Variants in HECW1 observed in about 807,000 individuals in gnomAD.
HECW1 encodes the protein E3 ubiquitin-protein ligase HECW1.
HECW1 carries 61 observed loss-of-function variants against 182.3 expected under a neutral mutation model. That is an observed-to-expected ratio of 0.33 (90% CI 0.27 to 0.41). The LOEUF is 0.41. Ranked by LOEUF, HECW1 falls within the 10% of genes least tolerant of loss-of-function variation. The pLI, the probability that HECW1 is intolerant of heterozygous loss-of-function variation, is 1.00. For missense variants in HECW1, 1,739 were observed against 2,108.9 expected (o/e 0.82, Z 3.44); for synonymous variants, 859 against 832.6 (o/e 1.03, Z -0.55).
chr7:43,477,331 A>G (rs2078256313), intron 16 of HECW1, among the ~76,000 whole-genome samples: 1 of 152,212 alleles, frequency 6.6e-6, no homozygotes, highest in South Asian at 2.1e-4. Context: ...AGAAATGCAT[A>G]CTAAACAATT....
chr7:43,370,137 A>G (rs1213831619), intron 6 of HECW1, among the ~76,000 whole-genome samples: 1 of 152,238 alleles, frequency 6.6e-6, no homozygotes, highest in Non-Finnish European at 1.5e-5. Flanking sequence ...ACAATGTACC[A>G]AGAACTCACG....
chr7:43,475,047 G>A (rs2078169945), intron 16 of HECW1, among the ~76,000 whole-genome samples: 2 of 152,186 alleles, frequency 1.3e-5, no homozygotes, highest in African/African-American at 4.8e-5. Flanking sequence ...AAGTGCTGGG[G>A]AAGGAGAGTG....
intron 20 of HECW1, 34 bp from the exon 21 acceptor site, chr7:43,501,179 C>CTT: frequency 1.8e-6 from 2 of 1,091,948 alleles, no homozygotes; most frequent in Non-Finnish European, 1.3e-6. Flanking sequence ...ACTTTCTTTT[C>CTT]TTTCTTTTTT....
chr7:43,393,337 G>A (rs1240218930), intron 6 of HECW1, among the ~76,000 whole-genome samples: 9 of 152,166 alleles, frequency 5.9e-5, no homozygotes, highest in Non-Finnish European at 1.5e-5. Flanking sequence ...AACTATTTGG[G>A]CTGAGTCTTC....
intron 24 of HECW1, 52 bp downstream of exon 24, chr7:43,509,173 A>T: frequency 6.3e-7 from 1 of 1,583,626 alleles, no homozygotes; most frequent in Non-Finnish European, 8.6e-7. Flanking sequence ...CCTCTTTCTT[A>T]GTCAGAATTC....
chr7:43,317,031 A>T (rs1355086259), intron 4 of HECW1, among the ~76,000 whole-genome samples: 1 of 151,812 alleles, frequency 6.6e-6, no homozygotes, highest in Non-Finnish European at 1.5e-5. Flanking sequence ...CAGTTTATTT[A>T]ATCATTCACT....
intron 18 of HECW1, 110 bp from the exon 19 acceptor site, chr7:43,492,974 C>A: frequency 1.6e-6 from 1 of 628,338 alleles, no homozygotes; most frequent in Non-Finnish European, 2.7e-6. Context: ...ATGCTGCCTG[C>A]CCTTCAAACT....
chr7:43,326,385 G>A (rs902136420), intron 5 of HECW1, among the ~76,000 whole-genome samples: 3 of 152,222 alleles, frequency 2.0e-5, no homozygotes, highest in Non-Finnish European at 4.4e-5. Context: ...TAAGCCAGAG[G>A]CAGCATGATG....
chr7:43,315,005 T>G (rs1404279994), intron 4 of HECW1, among the ~76,000 whole-genome samples: 1 of 152,080 alleles, frequency 6.6e-6, no homozygotes, highest in Non-Finnish European at 1.5e-5. Context: ...TGTGGTGCAG[T>G]GTTGGGTATG....
intron 16 of HECW1, among the ~76,000 whole-genome samples, chr7:43,478,252 A>C (rs1415566314): frequency 6.6e-6 from 1 of 151,940 alleles, no homozygotes; most frequent in African/African-American, 2.4e-5. Context: ...CCCCATCTGT[A>C]CTAAAAATAC....
intron 8 of HECW1, among the ~76,000 whole-genome samples, chr7:43,429,831 C>A (rs2076486394): frequency 6.6e-6 from 1 of 152,116 alleles, no homozygotes; most frequent in Admixed American, 6.5e-5. Flanking sequence ...GTGAATGAAA[C>A]CTGTTTTTCA....
rs1562853449 is a variant in HECW1, at chr7:43,336,118, CTTTCTT to C, written c.460+15378_460+15383del. ...TTCTTTCTTTCTTCTTTCTTTCTTT[CTTTCTT>C]TCTCTCTCTCTCTCTCTCTTTCTCT... On this transcript the variant is annotated intron_variant, in intron 5 of 29. Transcript: ENST00000395891. 5.8e-4 allele frequency among the ~76,000 whole-genome samples: 58 copies of C among 100,624 alleles called. 1 individual carries two copies. The highest frequency in any genetic ancestry group is 2.4e-3 in the African/African-American group (56 of 23,362). 66.0% of individuals were successfully genotyped at this position (100,624 alleles called of 152,430 possible).
At chr7:43,261,856 T>C (rs1452183369) in intron 3 of HECW1, among the ~76,000 whole-genome samples, 1 of 151,972 alleles carries the variant, frequency 6.6e-6, no homozygotes, top group Non-Finnish European at 1.5e-5. Context: ...TTGTTTTTTA[T>C]TTTTTATTTT....
At chr7:43,355,192 A>G (rs1218900543) in intron 5 of HECW1, among the ~76,000 whole-genome samples, 1 of 152,204 alleles carries the variant, frequency 6.6e-6, no homozygotes, top group Admixed American at 6.5e-5. Context: ...TTAATCTGAA[A>G]AACAAAAACA....
At chr7:43,161,049 G>A (rs1045338849) in intron 2 of HECW1, among the ~76,000 whole-genome samples, 4 of 151,966 alleles carry the variant, frequency 2.6e-5, no homozygotes, top group East Asian at 3.9e-4. Flanking sequence ...GAGTCCCCTG[G>A]GTCCTGTGGA....
At chr7:43,181,770 C>T (rs889084613) in intron 2 of HECW1, among the ~76,000 whole-genome samples, 2 of 150,406 alleles carry the variant, frequency 1.3e-5, no homozygotes, top group African/African-American at 5.0e-5. Context: ...AATATTTTCT[C>T]ATATTGTTTT....
intron 3 of HECW1, among the ~76,000 whole-genome samples, chr7:43,257,106 G>A (rs1286895075): frequency 6.6e-6 from 1 of 152,134 alleles, no homozygotes; most frequent in Non-Finnish European, 1.5e-5. Context: ...ACTGATTATT[G>A]TACTAAGGGC....
intron 2 of HECW1, among the ~76,000 whole-genome samples, chr7:43,184,883 T>C (rs1793236870): frequency 6.6e-6 from 1 of 152,042 alleles, no homozygotes. Context: ...CTTACATGGC[T>C]GGAGCAAGAG....
At chr7:43,116,607 T>C (rs755440001) in intron 2 of HECW1, among the ~76,000 whole-genome samples, 1 of 152,180 alleles carries the variant, frequency 6.6e-6, no homozygotes, top group East Asian at 1.9e-4. Context: ...CTTACAGACA[T>C]CAAGACACCT....
Sources: allele counts gnomAD v4.1 joint callset (sites outside exome capture counted in the v4.1 genomes callset), GRCh38; gene constraint gnomAD v4.1.1; transcripts MANE v1.5; gene names NCBI Gene and HGNC (gene_info 2026-07-23, HGNC 2026-07-21).